The following CYP7B1 variants were observed in gnomAD, a reference collection of about 807,000 sequenced individuals.
CYP7B1 encodes the protein cytochrome P450 family 7 subfamily B member 1.
In CYP7B1, 29 loss-of-function variants were observed where a neutral mutation model predicts 42.7. The ratio of observed to expected loss-of-function variants is 0.68; its 90% CI spans 0.51 to 0.93. The LOEUF is 0.93. Ranked by LOEUF, CYP7B1 falls within the 40% of genes least tolerant of loss-of-function variation. The pLI is 0.00. For missense variants in CYP7B1, 655 were observed against 600.5 expected (o/e 1.09, Z -0.95); for synonymous variants, 235 against 218.2 (o/e 1.08, Z -0.68).
downstream of CYP7B1, among the ~76,000 whole-genome samples, chr8:64,587,039 T>C (rs1451867): frequency 0.057 from 8,662 of 152,322 alleles, 837 homozygotes; most frequent in African/African-American, 0.2. Context: ...CTGGCTCTTC[T>C]GATCGACTGG....
intron 1 of CYP7B1, among the ~76,000 whole-genome samples, chr8:64,644,614 G>GT (rs1563375063): frequency 6.6e-6 from 1 of 152,156 alleles, no homozygotes; most frequent in Non-Finnish European, 1.5e-5. Context: ...TCAATAAGCA[G>GT]TAATAGTTTG....
At chr8:64,791,565 C>T (rs761458968) in intron 1 of CYP7B1, among the ~76,000 whole-genome samples, 4 of 152,112 alleles carry the variant, frequency 2.6e-5, no homozygotes, top group Non-Finnish European at 5.9e-5. Flanking sequence ...TTGGTGGCCT[C>T]CAGACGCTGG....
chr8:64,649,207 C>T (rs560817500), intron 1 of CYP7B1, among the ~76,000 whole-genome samples: 1 of 152,304 alleles, frequency 6.6e-6, no homozygotes, highest in African/African-American at 2.4e-5. Context: ...CAAGCAATTA[C>T]TCCTGAATTT....
intron 1 of CYP7B1, among the ~76,000 whole-genome samples, chr8:64,793,023 A>G (rs1350909500): frequency 6.6e-6 from 1 of 152,206 alleles, no homozygotes; most frequent in Non-Finnish European, 1.5e-5. Context: ...AGAGAGAGGA[A>G]GGGTGTCAGA....
chr8:64,764,229 G>GCCCCCCCCCCCCCCCCTCCCCCCCCCCC (rs59605103), intron 1 of CYP7B1, among the ~76,000 whole-genome samples: 1 of 125,148 alleles, frequency 8.0e-6, no homozygotes. Context: ...CTTCCACGCT[G>GCCCCCCCCCCCCCCCCTCCCCCCCCCCC]CCCCCCCCAC....
At chr8:64,606,137 T>C (rs764175603) in intron 4 of CYP7B1, among the ~76,000 whole-genome samples, 14 of 152,216 alleles carry the variant, frequency 9.2e-5, no homozygotes, top group Non-Finnish European at 1.9e-4. Flanking sequence ...TGATTCAATG[T>C]GACGTACAGT....
chr8:64,713,156 A>G (rs1807105976), intron 1 of CYP7B1, among the ~76,000 whole-genome samples: 1 of 152,186 alleles, frequency 6.6e-6, no homozygotes, highest in Admixed American at 6.5e-5. Flanking sequence ...GTATATGTGT[A>G]GTATATGAGA....
intron 1 of CYP7B1, among the ~76,000 whole-genome samples, chr8:64,766,186 C>T (rs1020553549): frequency 4.6e-5 from 7 of 152,120 alleles, no homozygotes; most frequent in African/African-American, 1.4e-4. Flanking sequence ...TGCTAACTTG[C>T]GTGCTAGAAG....
chr8:64,617,092 T>C (rs180954445), intron 2 of CYP7B1, among the ~76,000 whole-genome samples: 1 of 152,252 alleles, frequency 6.6e-6, no homozygotes, highest in Admixed American at 6.5e-5. Flanking sequence ...AAGCAGAAAG[T>C]AGAGTCTGCT....
intron 1 of CYP7B1, among the ~76,000 whole-genome samples, chr8:64,731,930 G>C (rs535305187): frequency 5.8e-4 from 88 of 152,302 alleles, no homozygotes; most frequent in African/African-American, 2.0e-3. Flanking sequence ...GTCAAGAACT[G>C]AGGTTGGGGA....
rs1313368529 is a variant in CYP7B1, at chr8:64,591,463, A to C, written c.*5179T>G. Among the ~76,000 whole-genome samples the C allele has an allele frequency of 6.6e-6, 1 of 152,218 alleles. No individual in the cohort carries two copies. The highest frequency in any genetic ancestry group is 1.5e-5 in the Non-Finnish European group (1 of 68,022). ...AATTCCTGTTCACATAATTATTGCC[A>C]TTCTTTTATACTAGGATCAAACACT... On this transcript the variant is annotated 3_prime_UTR_variant, in exon 6 of 6. Transcript: ENST00000310193.
downstream of CYP7B1, among the ~76,000 whole-genome samples, chr8:64,590,794 A>G (rs565049707): frequency 7.9e-5 from 12 of 152,170 alleles, no homozygotes; most frequent in Non-Finnish European, 1.6e-4. Context: ...TTGTAATCAA[A>G]TCTTCTGTTA....
intron 1 of CYP7B1, among the ~76,000 whole-genome samples, chr8:64,719,632 T>A (rs1807208590): frequency 6.6e-6 from 1 of 152,172 alleles, no homozygotes; most frequent in Non-Finnish European, 1.5e-5. Context: ...ACCATTTACT[T>A]CTGTTATCAA....
intron 1 of CYP7B1, among the ~76,000 whole-genome samples, chr8:64,776,487 G>T (rs1266576192): frequency 6.6e-6 from 1 of 152,112 alleles, no homozygotes; most frequent in Non-Finnish European, 1.5e-5. Context: ...CCACAAATTT[G>T]ATTATCCTAA....
Position 64,615,094 on chromosome 8 carries a change from C to A in CYP7B1, c.989G>T (p.Gly330Val), listed in dbSNP as rs1446777389. ...GGGAAATCCAGACCCTTTCTTTTGACCTGTTGACTGCAGCAAACGGTCAAT... is the reference window on the plus strand; with the variant it reads ...GGGAAATCCAGACCCTTTCTTTTGAACTGTTGACTGCAGCAAACGGTCAAT... ...DEIDRLLQST[G>V]QKKGSGFPIH... The change falls in exon 4 of 6, where the codon GGT becomes GTT. Residue 330 changes from glycine (G) to valine (V), a missense_variant. Transcript: ENST00000310193. The A allele has an allele frequency of 1.9e-6, 3 of 1,613,676 alleles. No homozygotes were observed. Among genetic ancestry groups the A allele is most frequent in the African/African-American group, 2.7e-5 (2 of 74,990 alleles).
At chr8:64,788,663 G>A (rs1804567660) in intron 1 of CYP7B1, among the ~76,000 whole-genome samples, 1 of 152,010 alleles carries the variant, frequency 6.6e-6, no homozygotes, top group African/African-American at 2.4e-5. Context: ...AATCTTACTT[G>A]TTTTTATTCA....
intron 1 of CYP7B1, among the ~76,000 whole-genome samples, chr8:64,694,589 T>G (rs58284770): frequency 1.3e-5 from 2 of 152,246 alleles, no homozygotes; most frequent in Middle Eastern, 3.4e-3. Context: ...AGGAAGAGCA[T>G]AGAAACTCTT....
rs188732670 is a variant in CYP7B1 at position 64,632,809 on chromosome 8, G to A, written c.123-8270C>T. On this transcript the variant is annotated intron_variant, in intron 1 of 5. Transcript: ENST00000310193. ...AGGCAATAATGTCCCTCTCATCACT[G>A]CTATCCAATATCATTCTGGAAGTCC... Among the ~76,000 whole-genome samples, 210 of 152,122 alleles carry A rather than the reference G, an allele frequency of 1.4e-3. 1 individual carries two copies. The highest frequency in any genetic ancestry group is 6.8e-3 in the East Asian group (35 of 5,178).
intron 1 of CYP7B1, among the ~76,000 whole-genome samples, chr8:64,789,357 C>G (rs573548820): frequency 3.9e-5 from 6 of 152,192 alleles, no homozygotes; most frequent in Non-Finnish European, 7.3e-5. Flanking sequence ...TCATGTCAAT[C>G]ATGAGAAATT....
Sources: gnomAD v4.1 joint callset for allele counts (sites outside exome capture counted in the v4.1 genomes callset) on GRCh38, gnomAD v4.1.1 for gene constraint, MANE v1.5 for transcripts, NCBI Gene and HGNC (gene_info 2026-07-23, HGNC 2026-07-21) for gene names.